The following NOS1AP variants were observed in gnomAD, a reference collection of about 807,000 sequenced individuals.
NOS1AP encodes the protein carboxyl-terminal PDZ ligand of neuronal nitric oxide synthase protein.
NOS1AP carries 21 observed loss-of-function variants against 56.2 expected under a neutral mutation model. The ratio of observed to expected loss-of-function variants is 0.37; its 90% CI spans 0.26 to 0.54. The LOEUF (loss-of-function observed/expected upper bound fraction) is 0.54, where lower values mean the gene tolerates loss of function less well. Ranked by LOEUF, NOS1AP falls within the 20% of genes least tolerant of loss-of-function variation. The pLI is 0.84. For missense variants in NOS1AP, 522 were observed against 657.8 expected (o/e 0.79, Z 2.26); for synonymous variants, 270 against 274.6 (o/e 0.98, Z 0.17).
intron 5 of NOS1AP, chr1:162,338,498 G>A (rs1657007912): frequency 6.6e-6 from 1 of 152,276 alleles, no homozygotes; most frequent in Non-Finnish European, 1.5e-5. Context: ...TCAGAACAGT[G>A]CCCAAAATTA....
At chr1:162,335,526 G>A (rs1571226691) in intron 5 of NOS1AP, among the ~76,000 whole-genome samples, 2 of 152,210 alleles carry the variant, frequency 1.3e-5, no homozygotes, top group East Asian at 1.9e-4. Flanking sequence ...AACTTGGGAA[G>A]GAGTTTTAAC....
intron 1 of NOS1AP, among the ~76,000 whole-genome samples, chr1:162,075,890 G>A (rs149504813): frequency 0.015 from 2,308 of 152,026 alleles, 53 homozygotes; most frequent in African/African-American, 0.051. Flanking sequence ...CTCCACACCT[G>A]GTATCTTGGG....
intron 5 of NOS1AP, among the ~76,000 whole-genome samples, chr1:162,334,890 T>C (rs1428783146): frequency 6.6e-6 from 1 of 152,176 alleles, no homozygotes; most frequent in Non-Finnish European, 1.5e-5. Flanking sequence ...CTGGCTAGAA[T>C]AGAACCAGGG....
intron 2 of NOS1AP, among the ~76,000 whole-genome samples, chr1:162,214,007 T>C (rs1401355993): frequency 6.6e-6 from 1 of 152,196 alleles, no homozygotes; most frequent in African/African-American, 2.4e-5. Flanking sequence ...GGCACTATAA[T>C]GGGGGACATA....
chr1:162,190,475 T>C lies in NOS1AP; in HGVS notation c.177+35999T>C, dbSNP rs549323034. 2.0e-5 allele frequency among the ~76,000 whole-genome samples: 3 copies of C among 152,120 alleles called. No homozygotes were observed. In the South Asian group the frequency reaches 6.2e-4, roughly 32 times the overall value. On this transcript the variant is annotated intron_variant, in intron 2 of 9. Transcript: ENST00000361897. Reference sequence around the variant, plus strand: ...CACATTTTTTTAAACAATCTGATTTTATTTATTTTTAATTGACAAATAATG... The same window carrying C: ...CACATTTTTTTAAACAATCTGATTTCATTTATTTTTAATTGACAAATAATG...
chr1:162,145,365 A>G (rs2102081115), intron 1 of NOS1AP, among the ~76,000 whole-genome samples: 1 of 152,154 alleles, frequency 6.6e-6, no homozygotes, highest in South Asian at 2.1e-4. Context: ...CACGTCCCTT[A>G]CACCCTAGCA....
rs142998017 is a variant in NOS1AP at position 162,150,854 on chromosome 1, T to C, written c.106-3551T>C. On this transcript the variant is annotated intron_variant, in intron 1 of 9. Coordinates refer to ENST00000361897, the MANE Select transcript of NOS1AP (RefSeq NM_014697.3). ...TGTTTGGGCTTCTTATATATTCTGG[T>C]TATTAATCCCTTGTCAGATAGGAAG... 1.9e-4 allele frequency among the ~76,000 whole-genome samples: 29 copies of C among 152,334 alleles called. 1 individual carries two copies. Among genetic ancestry groups the C allele is most frequent in the African/African-American group, 6.0e-4 (25 of 41,588 alleles).
At chr1:162,341,887 T>C (rs1193949681) in intron 5 of NOS1AP, among the ~76,000 whole-genome samples, 2 of 152,348 alleles carry the variant, frequency 1.3e-5, no homozygotes, top group Admixed American at 1.3e-4. Context: ...AGCTGGAGTG[T>C]TCCTAGCCCA....
intron 2 of NOS1AP, among the ~76,000 whole-genome samples, chr1:162,175,532 G>A (rs1410679480): frequency 1.3e-5 from 2 of 152,038 alleles, no homozygotes; most frequent in African/African-American, 4.8e-5. Context: ...GGCTCATCTG[G>A]TGTATTTCCT....
chr1:162,168,472 G>A (rs755588716), intron 2 of NOS1AP, among the ~76,000 whole-genome samples: 5 of 152,216 alleles, frequency 3.3e-5, no homozygotes, highest in Non-Finnish European at 7.3e-5. Flanking sequence ...GACATCAGCT[G>A]CTACAGCTGT....
intron 1 of NOS1AP, among the ~76,000 whole-genome samples, chr1:162,151,707 C>T (rs1649713112): frequency 6.6e-6 from 1 of 152,036 alleles, no homozygotes; most frequent in Admixed American, 6.6e-5. Context: ...AGATCTTTCA[C>T]TTCTTTGGTT....
chr1:162,102,365 A>T (rs1415071915), intron 1 of NOS1AP, among the ~76,000 whole-genome samples: 1 of 151,938 alleles, frequency 6.6e-6, no homozygotes, highest in Non-Finnish European at 1.5e-5. Flanking sequence ...TTTATTTAGG[A>T]TTTTTCACTG....
At chr1:162,172,242 G>A (rs1650823998) in intron 2 of NOS1AP, among the ~76,000 whole-genome samples, 1 of 152,224 alleles carries the variant, frequency 6.6e-6, no homozygotes, top group African/African-American at 2.4e-5. Context: ...GAAACTTGTT[G>A]AGCCTATACT....
At chr1:162,081,774 A>ATATATATATATTT in intron 1 of NOS1AP, among the ~76,000 whole-genome samples, 7 of 44,042 alleles carry the variant, frequency 1.6e-4, no homozygotes, top group South Asian at 1.5e-3. Context: ...ATATATATAT[A>ATATATATATATTT]TTTTTTTTTT....
chr1:162,097,757 A>T (rs1000960547), intron 1 of NOS1AP, among the ~76,000 whole-genome samples: 1 of 152,196 alleles, frequency 6.6e-6, no homozygotes, highest in African/African-American at 2.4e-5. Flanking sequence ...TAATTATTAT[A>T]GCTCTATTTT....
chr1:162,366,854 C>T, intron 9 of NOS1AP, 198 bp from the exon 10 acceptor site: 1 of 658,870 alleles, frequency 1.5e-6, no homozygotes. Context: ...CAAAGCTCCT[C>T]CCCTCCAGCG....
intron 2 of NOS1AP, among the ~76,000 whole-genome samples, chr1:162,209,516 T>C (rs771568981): frequency 6.6e-6 from 1 of 152,188 alleles, no homozygotes; most frequent in African/African-American, 2.4e-5. Context: ...CTATGAGGAC[T>C]TGAACAAGTC....
intron 2 of NOS1AP, among the ~76,000 whole-genome samples, chr1:162,259,337 A>G (rs989024775): frequency 1.3e-5 from 2 of 152,190 alleles, no homozygotes; most frequent in African/African-American, 4.8e-5. Flanking sequence ...CTCTGTAAGC[A>G]CGGCAGACTT....
At chr1:162,345,859 T>C (rs997195886) in intron 6 of NOS1AP, among the ~76,000 whole-genome samples, 2 of 152,128 alleles carry the variant, frequency 1.3e-5, no homozygotes, top group African/African-American at 4.8e-5. Context: ...TGGCACAGAG[T>C]ATGCACCACA....
Sources: gnomAD v4.1 joint callset for allele counts (sites outside exome capture counted in the v4.1 genomes callset) on GRCh38, gnomAD v4.1.1 for gene constraint, MANE v1.5 for transcripts, NCBI Gene and HGNC (gene_info 2026-07-23, HGNC 2026-07-21) for gene names.